Variants in UBE2QL1 observed in about 807,000 individuals in gnomAD.
The protein encoded by UBE2QL1 is ubiquitin-conjugating enzyme E2Q-like protein 1.
Under a neutral mutation model 12.6 loss-of-function variants are expected in UBE2QL1, and 5 were observed. The observed-to-expected ratio is 0.40, with a 90% CI of 0.21 to 0.83. The LOEUF (loss-of-function observed/expected upper bound fraction) is 0.83, where lower values mean the gene tolerates loss of function less well. Among genes scored for constraint, UBE2QL1 ranks in the 40% least tolerant of loss-of-function variants. The probability of loss-of-function intolerance (pLI) is 0.37; values close to 1 mark genes in which losing one functional copy is unlikely to be tolerated. For synonymous variants in UBE2QL1, 96 were observed against 94.5 expected (o/e 1.02, Z -0.10); for missense variants, 99 against 222.6 (o/e 0.44, Z 3.53).
At chr5:6,449,716 T>C (rs1200325228) in intron 1 of UBE2QL1, among the ~76,000 whole-genome samples, 1 of 146,412 alleles carries the variant, frequency 6.8e-6, no homozygotes, top group Non-Finnish European at 1.5e-5. Flanking sequence ...CCTCCCTGGC[T>C]CCCCTACTCT....
rs549535707 is a variant in UBE2QL1 at position 6,491,769 on chromosome 5, TCCGCCGTGCGTCC to T, written c.*424_*436del. 6.2e-4 allele frequency: 98 copies of T among 156,852 alleles called. No individual in the cohort carries two copies. Among genetic ancestry groups the T allele is most frequent in the Admixed American group, 1.9e-3 (30 of 16,072 alleles). The allele number at this position is 156,852 out of a possible 1,614,324, so 9.7% of individuals were successfully genotyped here. ...ATATTTCACAGGGACGCCGTGCATC[TCCGCCGTGCGTCC>T]CCGGCACGTGTTTGCTGTGCTCTGT... On this transcript the variant is annotated 3_prime_UTR_variant, in exon 2 of 2. Coordinates refer to ENST00000399816, the MANE Select transcript of UBE2QL1 (RefSeq NM_001145161.3).
In UBE2QL1 at chr5:6,495,387, G is replaced by T. The variant is rs1462299542; in HGVS notation, c.*4038G>T. 1.3e-5 allele frequency among the ~76,000 whole-genome samples: 2 copies of T among 152,204 alleles called. No individual in the cohort carries two copies. The highest frequency in any genetic ancestry group is 2.4e-5 in the African/African-American group (1 of 41,448). On this transcript the variant is annotated 3_prime_UTR_variant, in exon 2 of 2. Transcript: ENST00000399816. ...ACTTCCTGACTGTAGTGAGGGTAGA[G>T]CCACTGAATCTGGAAGACCACTTAG...
rs772761991 is a variant in UBE2QL1 at position 6,492,723 on chromosome 5, C to T, written c.*1374C>T. On this transcript the variant is annotated 3_prime_UTR_variant, in exon 2 of 2. Transcript: ENST00000399816. ...CAGAGCAGCGTTCTAAGTCAGGTACCAGAAATGAGTCTTAGGAACCCATAG... is the reference window on the plus strand; with the variant it reads ...CAGAGCAGCGTTCTAAGTCAGGTACTAGAAATGAGTCTTAGGAACCCATAG... 1.3e-5 allele frequency: 2 copies of T among 152,098 alleles called. No individual in the cohort carries two copies. Among genetic ancestry groups the T allele is most frequent in the African/African-American group, 2.4e-5 (1 of 41,412 alleles). The allele number at this position is 152,098 out of a possible 1,614,324, so 9.4% of individuals were successfully genotyped here.
At chr5:6,453,689 G>T (rs1187579469) in intron 1 of UBE2QL1, among the ~76,000 whole-genome samples, 1 of 140,956 alleles carries the variant, frequency 7.1e-6, no homozygotes, top group African/African-American at 2.7e-5. Context: ...TCACTGGGAA[G>T]CACAAGTGCA....
Position 6,481,436 on chromosome 5 carries a change from G to A in UBE2QL1, c.355-9782G>A, listed in dbSNP as rs1014857474. 1.3e-5 allele frequency among the ~76,000 whole-genome samples: 2 copies of A among 152,108 alleles called. No homozygotes were observed. Among genetic ancestry groups the A allele is most frequent in the African/African-American group, 4.8e-5 (2 of 41,408 alleles). ...GGTGCAGGGAGGGTGACCTGCTCAC[G>A]GGCCTATGGCTAGAGAGCAGAGAGG... On this transcript the variant is annotated intron_variant, in intron 1 of 1. Transcript: ENST00000399816. This position sits in a 1 kb window ranked among gnomAD's most constrained non-coding sequence, Gnocchi z 4.5.
At chr5:6,459,037 G>A (rs964667505) in intron 1 of UBE2QL1, among the ~76,000 whole-genome samples, 5 of 152,026 alleles carry the variant, frequency 3.3e-5, no homozygotes, top group African/African-American at 4.8e-5. Context: ...CCACAGTAGC[G>A]GGTTAGGATC....
chr5:6,450,095 C>T lies in UBE2QL1; in HGVS notation c.354+848C>T, dbSNP rs1383890446. On this transcript the variant is annotated intron_variant, in intron 1 of 1. Coordinates refer to ENST00000399816, the MANE Select transcript of UBE2QL1 (RefSeq NM_001145161.3). ...TAAGAGACAAGACCAGACCCCCCCC[C>T]CCCACGGCAATGCCTGTTTTCCCCT... Among the ~76,000 whole-genome samples, 6 of 150,120 alleles carry T rather than the reference C, an allele frequency of 4.0e-5. No homozygotes were observed. The East Asian group carries it at 1.2e-3, about 29-fold the overall frequency.
chr5:6,468,466 AGACACGGGCT>A (rs1296558084), intron 1 of UBE2QL1, among the ~76,000 whole-genome samples: 2 of 152,216 alleles, frequency 1.3e-5, no homozygotes, highest in Admixed American at 1.3e-4. Context: ...GCGGGACAAC[AGACACGGGCT>A]GACTGGTGGA....
At chr5:6,469,495 A>G (rs527719017) in intron 1 of UBE2QL1, among the ~76,000 whole-genome samples, 3 of 147,906 alleles carry the variant, frequency 2.0e-5, no homozygotes, top group South Asian at 4.2e-4. Context: ...CATATTATAT[A>G]TATATTTTTT....
Position 6,449,123 on chromosome 5 carries a change from A to T in UBE2QL1, c.230A>T (p.Glu77Val). 1 of 1,547,098 alleles carries T rather than the reference A, an allele frequency of 6.5e-7. No homozygotes were observed. Among genetic ancestry groups the T allele is most frequent in the East Asian group, 2.5e-5 (1 of 40,556 alleles). ...ATGCGGGTGCTCAGCCCGCGCCTGGAGAACGGCTACGTGCTGGACGGCGGC... is the reference window on the plus strand; with the variant it reads ...ATGCGGGTGCTCAGCCCGCGCCTGGTGAACGGCTACGTGCTGGACGGCGGC... ...PFMRVLSPRL[E>V]NGYVLDGGAI... Residue 77 changes from glutamate to valine, a missense_variant, in exon 1 of 2, where the codon GAG (glutamate) becomes GTG (valine). Transcript: ENST00000399816.
chr5:6,459,540 C>T (rs1739607467), intron 1 of UBE2QL1, among the ~76,000 whole-genome samples: 1 of 152,086 alleles, frequency 6.6e-6, no homozygotes, highest in Admixed American at 6.6e-5. Context: ...AGACTCCTCC[C>T]CAGAATAACG....
At chr5:6,486,999 A>G (rs977794420) in intron 1 of UBE2QL1, among the ~76,000 whole-genome samples, 14 of 152,222 alleles carry the variant, frequency 9.2e-5, no homozygotes, top group Admixed American at 3.9e-4. Flanking sequence ...AACAGCTGCA[A>G]CATGCCTGGT....
intron 1 of UBE2QL1, among the ~76,000 whole-genome samples, chr5:6,487,007 G>A (rs1734479493): frequency 6.6e-6 from 1 of 152,184 alleles, no homozygotes; most frequent in Non-Finnish European, 1.5e-5. Context: ...CAACATGCCT[G>A]GTTATCCGCC....
intron 1 of UBE2QL1, among the ~76,000 whole-genome samples, chr5:6,466,913 G>A (rs1161946678): frequency 6.6e-6 from 1 of 152,196 alleles, no homozygotes; most frequent in African/African-American, 2.4e-5. Flanking sequence ...CAGGACGTTT[G>A]AGAGAGGTTT....
At chr5:6,453,612 T>C (rs932191714) in intron 1 of UBE2QL1, among the ~76,000 whole-genome samples, 15 of 152,198 alleles carry the variant, frequency 9.9e-5, no homozygotes, top group African/African-American at 3.4e-4. Flanking sequence ...AGCTCAGCTT[T>C]GTGAAATGAT....
In UBE2QL1 at chr5:6,492,798, A is replaced by C. The variant is rs1734599602; in HGVS notation, c.*1449A>C. Reference sequence around the variant, plus strand: ...AAATAGTCCCCAGAAGCAGCCAAGGAGCTGAAGGGATGATTCGATCAAGTT... The same window carrying C: ...AAATAGTCCCCAGAAGCAGCCAAGGCGCTGAAGGGATGATTCGATCAAGTT... On this transcript the variant is annotated 3_prime_UTR_variant, in exon 2 of 2. Transcript: ENST00000399816. 1 of 152,284 alleles carries C rather than the reference A, an allele frequency of 6.6e-6. No homozygotes were observed. The highest frequency in any genetic ancestry group is 1.5e-5 in the Non-Finnish European group (1 of 68,060). 9.4% of individuals were successfully genotyped at this position (152,284 alleles called of 1,614,324 possible).
At chr5:6,469,610 T>C (rs941886509) in intron 1 of UBE2QL1, among the ~76,000 whole-genome samples, 1 of 150,088 alleles carries the variant, frequency 6.7e-6, no homozygotes, top group African/African-American at 2.4e-5. Flanking sequence ...TAAGGCTCTT[T>C]GTAAAATGAA....
chr5:6,461,543 A>ACCCCCCCCCCCC (rs71953375), intron 1 of UBE2QL1, among the ~76,000 whole-genome samples: 6 of 42,212 alleles, frequency 1.4e-4, no homozygotes, highest in African/African-American at 2.2e-4. Flanking sequence ...AGCACCCACC[A>ACCCCCCCCCCCC]CCCCCCCCCG....
chr5:6,454,082 T>C (rs148059407), intron 1 of UBE2QL1, among the ~76,000 whole-genome samples: 8 of 152,318 alleles, frequency 5.3e-5, no homozygotes, highest in African/African-American at 1.9e-4. Context: ...GGGGTCTCAC[T>C]ATGTTGCCCA....
Sources: gnomAD v4.1 joint callset for allele counts (sites outside exome capture counted in the v4.1 genomes callset) on GRCh38, gnomAD v4.1.1 for gene constraint, Gnocchi (gnomAD v3.1) non-coding constraint, MANE v1.5 for transcripts, NCBI Gene and HGNC (gene_info 2026-07-23, HGNC 2026-07-21) for gene names.